CSMD1: variants seen among roughly 807,000 people sequenced by gnomAD.
CSMD1 encodes the protein CUB and Sushi multiple domains 1.
A neutral mutation model predicts 417.5 loss-of-function variants in CSMD1; 213 were observed. The ratio of observed to expected loss-of-function variants is 0.51; its 90% CI spans 0.46 to 0.57. CSMD1 has a LOEUF of 0.57. Ranked by LOEUF, CSMD1 falls within the 20% of genes least tolerant of loss-of-function variation. CSMD1 has a pLI of 0.00. For synonymous variants in CSMD1, 2,862 were observed against 1,736.8 expected, an observed-to-expected ratio of 1.65 and a Z score of -16.11; for missense variants, 6,923 against 4,529.7, an observed-to-expected ratio of 1.53 and a Z score of -15.17.
chr8:3,749,430 T>G (rs1158421146), intron 6 of CSMD1, among the ~76,000 whole-genome samples: 1 of 152,194 alleles, frequency 6.6e-6, no homozygotes, highest in Non-Finnish European at 1.5e-5. Context: ...TTACTACTGC[T>G]TCTGACATGA....
intron 5 of CSMD1, among the ~76,000 whole-genome samples, chr8:3,797,968 C>G (rs531722386): frequency 4.5e-4 from 69 of 152,132 alleles, no homozygotes; most frequent in African/African-American, 1.6e-3. Flanking sequence ...TTACTGGCAT[C>G]TCATTGCGGT....
intron 49 of CSMD1, among the ~76,000 whole-genome samples, chr8:3,086,442 A>C (rs1402825954): frequency 6.6e-6 from 1 of 152,140 alleles, no homozygotes; most frequent in African/African-American, 2.4e-5. Context: ...AAACTGACAA[A>C]AAAGAGAGCC....
At chr8:4,983,284 G>A (rs568065082) in intron 1 of CSMD1, among the ~76,000 whole-genome samples, 2 of 152,294 alleles carry the variant, frequency 1.3e-5, no homozygotes, top group Non-Finnish European at 2.9e-5. Flanking sequence ...ACTCTTCAAC[G>A]AGTGTTTTCA....
At chr8:4,461,818 G>A (rs1024726080) in intron 2 of CSMD1, among the ~76,000 whole-genome samples, 14 of 146,576 alleles carry the variant, frequency 9.6e-5, no homozygotes, top group Non-Finnish European at 1.6e-4. Context: ...TCAGCTCACT[G>A]CAAGCTCCAC....
intron 9 of CSMD1, among the ~76,000 whole-genome samples, chr8:3,585,197 A>G (rs1460002586): frequency 6.6e-6 from 1 of 152,204 alleles, no homozygotes; most frequent in Non-Finnish European, 1.5e-5. Flanking sequence ...TTAGAGGACG[A>G]TAGTGACGTG....
At chr8:4,771,488 C>T (rs748388994) in intron 1 of CSMD1, among the ~76,000 whole-genome samples, 4 of 152,304 alleles carry the variant, frequency 2.6e-5, no homozygotes, top group Non-Finnish European at 5.9e-5. Context: ...CGTGAGAATG[C>T]GCAGTTATGC....
intron 3 of CSMD1, among the ~76,000 whole-genome samples, chr8:4,106,765 A>T (rs573890013): frequency 1.2e-4 from 19 of 152,282 alleles, no homozygotes; most frequent in Middle Eastern, 3.4e-3. Flanking sequence ...ACAGCTAGTG[A>T]TCAGCGGCCA....
At chr8:4,605,923 G>A (rs549345345) in intron 2 of CSMD1, among the ~76,000 whole-genome samples, 2 of 152,122 alleles carry the variant, frequency 1.3e-5, no homozygotes, top group African/African-American at 2.4e-5. Context: ...CTGGGAGATG[G>A]AAACATTTTT....
intron 3 of CSMD1, among the ~76,000 whole-genome samples, chr8:4,085,588 G>C (rs1323772931): frequency 1.3e-5 from 2 of 152,008 alleles, no homozygotes; most frequent in South Asian, 2.1e-4. Context: ...AGAAACTATC[G>C]ACGCTTGCAA....
chr8:4,705,785 A>T (rs1004273125), intron 1 of CSMD1, among the ~76,000 whole-genome samples: 1 of 152,286 alleles, frequency 6.6e-6, no homozygotes, highest in Admixed American at 6.5e-5. Context: ...ATAACATTCT[A>T]TCTTACAGAG....
intron 12 of CSMD1, among the ~76,000 whole-genome samples, chr8:3,465,911 G>A (rs950846532): frequency 6.6e-6 from 1 of 152,172 alleles, no homozygotes; most frequent in Non-Finnish European, 1.5e-5. Flanking sequence ...ATGAGAAAAT[G>A]TCGAGAGCTG....
At chr8:4,195,720 C>A (rs146394410) in intron 3 of CSMD1, among the ~76,000 whole-genome samples, 1 of 152,106 alleles carries the variant, frequency 6.6e-6, no homozygotes, top group Admixed American at 6.5e-5. Flanking sequence ...GAAATGGCCC[C>A]CAGACAGCAA....
At chr8:4,598,083 T>TA (rs1330826770) in intron 2 of CSMD1, among the ~76,000 whole-genome samples, 11 of 152,004 alleles carry the variant, frequency 7.2e-5, no homozygotes, top group Non-Finnish European at 1.3e-4. Context: ...TCACAGAAAA[T>TA]AAAAAGCTAG....
chr8:4,834,685 G>A (rs1161909682), intron 1 of CSMD1, among the ~76,000 whole-genome samples: 16 of 151,914 alleles, frequency 1.1e-4, no homozygotes, highest in Non-Finnish European at 1.9e-4. Context: ...GGCCAGGTGC[G>A]GTGGCTCACT....
chr8:4,875,124 C>T (rs1397513755), intron 1 of CSMD1, among the ~76,000 whole-genome samples: 1 of 151,692 alleles, frequency 6.6e-6, no homozygotes, highest in East Asian at 1.9e-4. Flanking sequence ...AGAAGCCCTC[C>T]TTCCCTCATG....
chr8:4,756,077 T>G (rs1164377855), intron 1 of CSMD1, among the ~76,000 whole-genome samples: 5 of 152,206 alleles, frequency 3.3e-5, no homozygotes, highest in African/African-American at 1.2e-4. Flanking sequence ...AACAAAGACC[T>G]TTATTCTATG....
At chr8:3,892,308 C>T (rs764217109) in intron 5 of CSMD1, among the ~76,000 whole-genome samples, 6 of 152,090 alleles carry the variant, frequency 3.9e-5, no homozygotes, top group African/African-American at 7.2e-5. Context: ...CGCTTAATTG[C>T]TGAAAAGGGA....
At chr8:3,725,778 G>A (rs975193655) in intron 6 of CSMD1, among the ~76,000 whole-genome samples, 2 of 152,158 alleles carry the variant, frequency 1.3e-5, no homozygotes, top group East Asian at 1.9e-4. Flanking sequence ...TTGGGAACAC[G>A]TGAAAACCAT....
At chr8:4,599,403 G>T (rs201452066) in intron 2 of CSMD1, among the ~76,000 whole-genome samples, 1 of 151,896 alleles carries the variant, frequency 6.6e-6, no homozygotes, top group Non-Finnish European at 1.5e-5. Flanking sequence ...AGAATGCAAG[G>T]AGGAAAATTT....
Sources: allele counts gnomAD v4.1 joint callset (sites outside exome capture counted in the v4.1 genomes callset), GRCh38; gene constraint gnomAD v4.1.1; transcripts MANE v1.5; gene names NCBI Gene and HGNC (gene_info 2026-07-23, HGNC 2026-07-21).